USP29: variants seen among roughly 807,000 people sequenced by gnomAD.
USP29 encodes the protein ubiquitin specific peptidase 29.
For missense variants in USP29, 1,102 were observed against 1,069.0 expected (o/e 1.03, Z -0.43); for synonymous variants, 386 against 387.4 (o/e 1.00, Z 0.04).
Position 57,131,019 on chromosome 19 carries a change from A to T in USP29, c.2344A>T (p.Asn782Tyr), listed in dbSNP as rs1249947185. 1.2e-6 allele frequency: 2 copies of T among 1,614,072 alleles called. No homozygotes were observed. Among genetic ancestry groups the T allele is most frequent in the Non-Finnish European group, 1.7e-6 (2 of 1,180,036 alleles). The change falls in exon 4 of 4, where the codon AAT (asparagine) becomes TAT (tyrosine). Residue 782 changes from asparagine to tyrosine, a missense_variant. Asn to Tyr is a moderately radical substitution (Grantham distance 143). Coordinates refer to ENST00000254181, the MANE Select transcript of USP29 (RefSeq NM_020903.3). Reference protein sequence around the residue: ...TELRLQKADLNHLGALGSDNP... With the variant: ...TELRLQKADLYHLGALGSDNP... ...ATTAAGACTTCAAAAGGCTGACCTG[A>T]ATCACCTTGGGGCACTGGGTTCTGA...
chr19:57,128,580 T>C, intron 3 of USP29, 80 bp from the exon 4 acceptor site: 1 of 1,333,740 alleles, frequency 7.5e-7, no homozygotes, highest in Non-Finnish European at 1.0e-6. Flanking sequence ...AAATCATTAT[T>C]ATATGTGGAT....
In USP29 at chr19:57,130,127, T is replaced by A. The variant is rs780756096; in HGVS notation, c.1452T>A (p.Tyr484Ter). 51 of 1,613,990 alleles carry A rather than the reference T, an allele frequency of 3.2e-5. 2 individuals are homozygous for A. The South Asian group carries it at 5.1e-4, about 16-fold the overall frequency. ...DLFFKEEELEYNCQMCKQKSC... is the reference protein window; with the variant it reads ...DLFFKEEELE ...TCTTTAAAGAAGAAGAGCTTGAATA[T>A]AACTGTCAGATGTGTAAGCAGAAGA... The change falls in exon 4 of 4, where the codon TAT becomes TAA. Residue 484 changes from tyrosine to a stop codon, truncating the protein, a stop_gained. Transcript: ENST00000254181. LOFTEE classifies it low-confidence loss of function (END_TRUNC).
intron 2 of USP29, among the ~76,000 whole-genome samples, chr19:57,123,612 C>T (rs1329087632): frequency 6.6e-6 from 1 of 152,064 alleles, no homozygotes; most frequent in East Asian, 1.9e-4. Flanking sequence ...TCGATGCATC[C>T]TCTCTGTAGT....
intron 3 of USP29, among the ~76,000 whole-genome samples, chr19:57,127,681 A>C (rs1004245047): frequency 6.6e-6 from 1 of 152,160 alleles, no homozygotes; most frequent in Non-Finnish European, 1.5e-5. Flanking sequence ...TGGCAGTGAG[A>C]ATTTCAAGCC....
chr19:57,121,433 G>A (rs1204238339), intron 1 of USP29, among the ~76,000 whole-genome samples: 2 of 138,106 alleles, frequency 1.4e-5, no homozygotes, highest in East Asian at 2.1e-4. Flanking sequence ...ATATACTTAT[G>A]TTATATACTT....
Position 57,129,531 on chromosome 19 carries a change from G to T in USP29, c.856G>T (p.Gly286Trp), listed in dbSNP as rs144935413. Residue 286 changes from glycine (G) to tryptophan (W), a missense_variant, in exon 4 of 4, where the codon GGG becomes TGG. By Grantham distance (184) the Gly-to-Trp change is radical (BLOSUM62 -2). Transcript: ENST00000254181. ...CTCTCATTCACAGCAACTGCAGCAG[G>T]GGTTCCCCAATTTGGGAAACACCTG... ...LDSHSQQLQQ[G>W]FPNLGNTCYM... 28 of 1,614,106 alleles carry T rather than the reference G, an allele frequency of 1.7e-5. No homozygotes were observed. In the East Asian group the frequency reaches 6.0e-4, roughly 35 times the overall value.
chr19:57,129,673 C>G lies in USP29; in HGVS notation c.998C>G (p.Thr333Ser). The G allele has an allele frequency of 6.2e-7, 1 of 1,614,098 alleles. No homozygotes were observed. The highest frequency in any genetic ancestry group is 8.5e-7 in the Non-Finnish European group (1 of 1,180,018). The change falls in exon 4 of 4, where the codon ACC (threonine) becomes AGC (serine). Residue 333 changes from threonine (T) to serine (S), a missense_variant. Coordinates refer to ENST00000254181, the MANE Select transcript of USP29 (RefSeq NM_020903.3). ...IPFEALIMTL[T>S]QLLALKDFCS... is the part of the protein sequence containing the mutation. ...TTTGAGGCTCTTATTATGACCTTGA[C>G]CCAGCTGCTTGCTTTGAAAGATTTC... is the stretch of plus-strand genomic sequence containing the variant.
In USP29 at chr19:57,131,246, C is replaced by T. The variant is rs751108266; in HGVS notation, c.2571C>T (p.Asn857=). The change falls in exon 4 of 4, where the codon AAC becomes AAT. Residue 857 remains asparagine, a synonymous_variant. Transcript: ENST00000254181. ...AGAAGCAGGCCTGGTTCACATACAACGATCTATGTGTATCAGAAATCTCAG... is the reference window on the plus strand; with the variant it reads ...AGAAGCAGGCCTGGTTCACATACAATGATCTATGTGTATCAGAAATCTCAG... ...DFQKQAWFTY[N]DLCVSEISET... 26 of 1,614,190 alleles carry T rather than the reference C, an allele frequency of 1.6e-5. No homozygotes were observed. Among genetic ancestry groups the T allele is most frequent in the East Asian group, 4.5e-5 (2 of 44,884 alleles).
intron 1 of USP29, 39 bp downstream of exon 1, chr19:57,120,268 A>T (rs1365375699): frequency 7.5e-6 from 1 of 133,580 alleles, no homozygotes; most frequent in East Asian, 2.6e-4. Context: ...AAAAAATTTT[A>T]AAATTAGCTA....
At position 57,131,560 on chromosome 19, in the gene USP29, A is replaced by C; in HGVS notation, c.*116A>C. 182 of 1,442,724 alleles carry C rather than the reference A, an allele frequency of 1.3e-4. No homozygotes were observed. The highest frequency in any genetic ancestry group is 1.5e-4 in the Non-Finnish European group (164 of 1,081,896). 89.4% of individuals were successfully genotyped at this position (1,442,724 alleles called of 1,614,324 possible). Reference sequence around the variant, plus strand: ...AACAAGTATCTCAGGATGAAATCTCAATGAAAAACACTTATTTTGGGGGAA... The same window carrying C: ...AACAAGTATCTCAGGATGAAATCTCCATGAAAAACACTTATTTTGGGGGAA... On this transcript the variant is annotated 3_prime_UTR_variant, in exon 4 of 4. Coordinates refer to ENST00000254181, the MANE Select transcript of USP29 (RefSeq NM_020903.3).
In USP29 at chr19:57,129,582, C is replaced by T; in HGVS notation, c.907C>T (p.Leu303=). 1 of 1,614,210 alleles carries T rather than the reference C, an allele frequency of 6.2e-7. No homozygotes were observed. Among genetic ancestry groups the T allele is most frequent in the African/African-American group, 1.3e-5 (1 of 75,056 alleles). The stretch of plus-strand genomic sequence containing the variant: ...TTACATGAATGCAGTTTTACAATCG[C>T]TATTTGCAATTCCATCTTTTGCTGA... The part of the protein sequence containing the change: ...TCYMNAVLQS[L]FAIPSFADDL... Residue 303 remains leucine, a synonymous_variant, in exon 4 of 4, where the codon CTA becomes TTA. Transcript: ENST00000254181.
chr19:57,128,880 CAA>C lies in USP29; in HGVS notation c.207_208del (p.His71ProfsTer14). The stretch of plus-strand genomic sequence containing the variant: ...GGTCCTTAGACATTGTAAAAAAAGA[CAA>C]AGTCACCTGCGTTTAACTTTGAAAA... ...SVVLRHCKKR[Q>X]SHLRLTLKNN... On this transcript the variant is annotated frameshift_variant, in exon 4 of 4. Transcript: ENST00000254181. LOFTEE classifies it low-confidence loss of function (END_TRUNC). The C allele has an allele frequency of 6.2e-7, 1 of 1,613,262 alleles. No homozygotes were observed. The highest frequency in any genetic ancestry group is 8.5e-7 in the Non-Finnish European group (1 of 1,179,782).
At chr19:57,122,924 G>T (rs1463117953) in intron 2 of USP29, among the ~76,000 whole-genome samples, 1 of 152,140 alleles carries the variant, frequency 6.6e-6, no homozygotes, top group Non-Finnish European at 1.5e-5. Flanking sequence ...GCAACAGGAT[G>T]AAATGGAGGG....
intron 1 of USP29, among the ~76,000 whole-genome samples, chr19:57,121,344 A>T (rs2146948832): frequency 6.9e-6 from 1 of 145,170 alleles, no homozygotes; most frequent in African/African-American, 2.5e-5. Context: ...ATATATACTT[A>T]TATATGTTAT....
chr19:57,130,455 C>T lies in USP29; in HGVS notation c.1780C>T (p.Pro594Ser). 1 of 1,614,144 alleles carries T rather than the reference C, an allele frequency of 6.2e-7. No homozygotes were observed. Among genetic ancestry groups the T allele is most frequent in the Non-Finnish European group, 8.5e-7 (1 of 1,180,036 alleles). The change falls in exon 4 of 4, where the codon CCC becomes TCC. Residue 594 changes from proline (P) to serine (S), a missense_variant. Coordinates refer to ENST00000254181, the MANE Select transcript of USP29 (RefSeq NM_020903.3). ...TSESSDSLVLPVEPDKNADLQ... is the reference protein window; with the variant it reads ...TSESSDSLVLSVEPDKNADLQ... The stretch of plus-strand genomic sequence containing the variant: ...AGAATCCAGTGATTCCCTGGTTCTA[C>T]CCGTTGAACCAGACAAGAATGCCGA...
chr19:57,126,081 T>A (rs772528512), intron 3 of USP29, among the ~76,000 whole-genome samples: 1 of 152,206 alleles, frequency 6.6e-6, no homozygotes, highest in Non-Finnish European at 1.5e-5. Flanking sequence ...CGTTGAATAT[T>A]GGCCCCCACT....
In USP29 at chr19:57,120,840, C is replaced by T. The variant is rs1321579935; in HGVS notation, c.-268+611C>T. Reference sequence around the variant, plus strand: ...AGAAAAAAGGCCGGGCACGGTGGCTCACTCCTGTAATTCCAGAACTTTGGG... The same window carrying T: ...AGAAAAAAGGCCGGGCACGGTGGCTTACTCCTGTAATTCCAGAACTTTGGG... On this transcript the variant is annotated intron_variant, in intron 1 of 3. Coordinates refer to ENST00000254181, the MANE Select transcript of USP29 (RefSeq NM_020903.3). 6.8e-5 allele frequency among the ~76,000 whole-genome samples: 10 copies of T among 146,494 alleles called. 1 individual carries two copies. In the East Asian group the frequency reaches 1.8e-3, roughly 27 times the overall value.
At chr19:57,121,100 C>T (rs1358865416) in intron 1 of USP29, among the ~76,000 whole-genome samples, 1 of 148,788 alleles carries the variant, frequency 6.7e-6, no homozygotes, top group Non-Finnish European at 1.5e-5. Flanking sequence ...ATCCCCGCTC[C>T]GCTCCCTCAC....
chr19:57,127,211 G>T (rs553964129), intron 3 of USP29, among the ~76,000 whole-genome samples: 3 of 152,338 alleles, frequency 2.0e-5, no homozygotes, highest in Admixed American at 1.3e-4. Flanking sequence ...CCCCTGTTGG[G>T]AGTTCTTTCC....
Sources: allele counts gnomAD v4.1 joint callset (sites outside exome capture counted in the v4.1 genomes callset), GRCh38; gene constraint gnomAD v4.1.1; transcripts MANE v1.5; gene names NCBI Gene and HGNC (gene_info 2026-07-23, HGNC 2026-07-21).